Variants in GALNT13 observed in about 807,000 individuals in gnomAD.
The protein encoded by GALNT13 is UDP-GalNAc:polypeptide N-acetylgalactosaminyltransferase 13.
Under a neutral mutation model 64.2 loss-of-function variants are expected in GALNT13, and 28 were observed. That is an observed-to-expected ratio of 0.44 (90% confidence interval 0.32 to 0.60). The LOEUF (loss-of-function observed/expected upper bound fraction) is 0.60, where lower values mean the gene tolerates loss of function less well. Among genes scored for constraint, GALNT13 ranks in the 20% least tolerant of loss-of-function variants. The pLI is 0.05. For missense variants in GALNT13, 577 were observed against 669.8 expected (o/e 0.86, Z 1.53); for synonymous variants, 214 against 224.6 (o/e 0.95, Z 0.42).
At chr2:153,250,646 G>A in the GALNT13 span, among the ~76,000 whole-genome samples, 1 of 152,130 alleles carries the variant, frequency 6.6e-6, no homozygotes, top group Non-Finnish European at 1.5e-5. Context: ...GCCCATCAGT[G>A]GCAGACTGGA....
At chr2:154,210,519 A>G (rs1364370595) in intron 4 of GALNT13, among the ~76,000 whole-genome samples, 1 of 152,192 alleles carries the variant, frequency 6.6e-6, no homozygotes, top group Non-Finnish European at 1.5e-5. Flanking sequence ...AGGCCAATGT[A>G]CCTACTCATA....
chr2:154,232,978 G>C (rs1300234518), intron 4 of GALNT13, among the ~76,000 whole-genome samples: 2 of 149,266 alleles, frequency 1.3e-5, no homozygotes, highest in Admixed American at 6.7e-5. Flanking sequence ...AGGCGGAGGT[G>C]GCAGTGAATC....
chr2:154,136,319 A>C (rs1682946131), intron 3 of GALNT13, among the ~76,000 whole-genome samples: 2 of 152,178 alleles, frequency 1.3e-5, no homozygotes, highest in South Asian at 4.1e-4. Flanking sequence ...ATTATTCATC[A>C]CATATTACTA....
chr2:154,286,131 CAG>C (rs1412419650), intron 8 of GALNT13, among the ~76,000 whole-genome samples: 3 of 152,140 alleles, frequency 2.0e-5, no homozygotes, highest in Non-Finnish European at 4.4e-5. Flanking sequence ...CATCAGCAAA[CAG>C]AGATAATTTC....
At chr2:153,721,983 C>A in the GALNT13 span, among the ~76,000 whole-genome samples, 1 of 148,736 alleles carries the variant, frequency 6.7e-6, no homozygotes, top group South Asian at 2.1e-4. Flanking sequence ...GAACTCTCCA[C>A]CCCAAATCAA....
chr2:153,144,915 C>A, the GALNT13 span, among the ~76,000 whole-genome samples: 465 of 151,776 alleles, frequency 3.1e-3, 3 homozygotes, highest in African/African-American at 0.011. Flanking sequence ...TTTTCTAATA[C>A]AATTATCAAA....
intron 3 of GALNT13, among the ~76,000 whole-genome samples, chr2:153,999,081 C>T (rs931996858): frequency 9.9e-5 from 15 of 151,960 alleles, no homozygotes; most frequent in Non-Finnish European, 4.4e-5. Flanking sequence ...AAAAAGAGCC[C>T]GCATAGCCAA....
rs1030665126 is a variant in GALNT13, at chr2:154,041,505, C to T, written c.142+96866C>T. 7.1e-5 allele frequency among the ~76,000 whole-genome samples: 10 copies of T among 139,906 alleles called. 2 individuals are homozygous for T. The highest frequency in any genetic ancestry group is 2.0e-4 in the East Asian group (1 of 4,992). 91.8% of individuals were successfully genotyped at this position (139,906 alleles called of 152,430 possible). ...TTAAGACAGAATCAATCAAAACCAACGTAAACACACTGTTAAATTCACACA... is the reference window on the plus strand; with the variant it reads ...TTAAGACAGAATCAATCAAAACCAATGTAAACACACTGTTAAATTCACACA... On this transcript the variant is annotated intron_variant, in intron 3 of 12. Coordinates refer to ENST00000392825, the MANE Select transcript of GALNT13 (RefSeq NM_052917.4).
At chr2:153,206,290 A>G in the GALNT13 span, among the ~76,000 whole-genome samples, 1 of 152,090 alleles carries the variant, frequency 6.6e-6, no homozygotes, top group Admixed American at 6.5e-5. Flanking sequence ...GAAGTTACTG[A>G]TATATTGGCA....
At chr2:153,130,594 A>G in the GALNT13 span, among the ~76,000 whole-genome samples, 2 of 152,000 alleles carry the variant, frequency 1.3e-5, no homozygotes, top group Non-Finnish European at 2.9e-5. Flanking sequence ...CCCCAGACAC[A>G]CAGGCCACCT....
chr2:154,288,675 A>C (rs1692419552), intron 8 of GALNT13, among the ~76,000 whole-genome samples: 2 of 152,176 alleles, frequency 1.3e-5, no homozygotes, highest in Non-Finnish European at 2.9e-5. Context: ...GGGCAGTGAA[A>C]TCTTAAAGCT....
At chr2:154,366,380 A>G (rs933750692) in intron 9 of GALNT13, among the ~76,000 whole-genome samples, 13 of 152,218 alleles carry the variant, frequency 8.5e-5, no homozygotes, top group Non-Finnish European at 7.3e-5. Flanking sequence ...CACTCGCTAT[A>G]TATGTAATTA....
the GALNT13 span, among the ~76,000 whole-genome samples, chr2:153,341,195 A>G: frequency 6.6e-6 from 1 of 152,232 alleles, no homozygotes. Flanking sequence ...AAGGATAATA[A>G]TAAGTATTGC....
At chr2:154,125,682 T>A (rs1041730206) in intron 3 of GALNT13, among the ~76,000 whole-genome samples, 5 of 152,138 alleles carry the variant, frequency 3.3e-5, no homozygotes, top group Non-Finnish European at 7.3e-5. Context: ...AGGAAAAAGA[T>A]TTTTTGTCAA....
chr2:153,309,425 G>C, the GALNT13 span, among the ~76,000 whole-genome samples: 1 of 152,052 alleles, frequency 6.6e-6, no homozygotes, highest in African/African-American at 2.4e-5. Context: ...AATTGGAATA[G>C]AACATTGCTA....
At chr2:153,974,436 C>T (rs1693946187) in intron 3 of GALNT13, among the ~76,000 whole-genome samples, 1 of 152,028 alleles carries the variant, frequency 6.6e-6, no homozygotes, top group Admixed American at 6.6e-5. Context: ...ATAATGACCA[C>T]ATGGATTTTT....
the GALNT13 span, among the ~76,000 whole-genome samples, chr2:153,532,188 A>T: frequency 6.6e-6 from 1 of 152,080 alleles, no homozygotes; most frequent in South Asian, 2.1e-4. Context: ...CTGCATGGAC[A>T]TCCAGGATTT....
the GALNT13 span, among the ~76,000 whole-genome samples, chr2:153,458,553 C>T: frequency 6.6e-6 from 1 of 152,126 alleles, no homozygotes; most frequent in South Asian, 2.1e-4. Flanking sequence ...CAGATTTTCC[C>T]CACTATTGAT....
At chr2:153,284,326 A>G in the GALNT13 span, among the ~76,000 whole-genome samples, 1 of 152,098 alleles carries the variant, frequency 6.6e-6, no homozygotes, top group Admixed American at 6.5e-5. Context: ...CAATTTCAGT[A>G]CCTACTGTTG....
Sources: gnomAD v4.1 joint callset for allele counts (sites outside exome capture counted in the v4.1 genomes callset) on GRCh38, gnomAD v4.1.1 for gene constraint, MANE v1.5 for transcripts, NCBI Gene and HGNC (gene_info 2026-07-23, HGNC 2026-07-21) for gene names.